Variants in NOS3 observed in about 807,000 individuals in gnomAD.
The protein encoded by NOS3 is nitric oxide synthase 3, also known as NOS type III.
Under a neutral mutation model 144.9 loss-of-function variants are expected in NOS3, and 98 were observed. The ratio of observed to expected loss-of-function variants is 0.68; its 90% CI spans 0.57 to 0.80. The LOEUF (loss-of-function observed/expected upper bound fraction) is 0.80, where lower values mean the gene tolerates loss of function less well. NOS3 is among the 30% of genes least tolerant of loss of function. The pLI, the probability that NOS3 is intolerant of heterozygous loss-of-function variation, is 0.00. For missense variants in NOS3, 1,465 were observed against 1,656.4 expected, an observed-to-expected ratio of 0.88 and a Z score of 2.01; for synonymous variants, 714 against 702.4, an observed-to-expected ratio of 1.02 and a Z score of -0.26.
At chr7:151,000,894 C>T (rs1179515233) in intron 10 of NOS3, among the ~76,000 whole-genome samples, 1 of 152,134 alleles carries the variant, frequency 6.6e-6, no homozygotes, top group Non-Finnish European at 1.5e-5. Flanking sequence ...GTGGGACCCG[C>T]TGGATCCTGG....
chr7:150,995,381 G>A (rs1802354901), intron 3 of NOS3, 67 bp downstream of exon 3: 2 of 1,007,966 alleles, frequency 2.0e-6, no homozygotes, highest in Admixed American at 2.1e-5. Context: ...GCCTCAGATG[G>A]GGCCGGAGAG....
Position 151,002,100 on chromosome 7 carries a change from A to C in NOS3, c.1648-100A>C. 2.1e-6 allele frequency: 3 copies of C among 1,417,698 alleles called. No homozygotes were observed. Among genetic ancestry groups the C allele is most frequent in the Non-Finnish European group, 2.9e-6 (3 of 1,025,240 alleles). 87.8% of individuals were successfully genotyped at this position (1,417,698 alleles called of 1,614,324 possible). On this transcript the variant is annotated intron_variant, in intron 13 of 26. Transcript: ENST00000297494. This position sits in a 1 kb window ranked among gnomAD's most constrained non-coding sequence, Gnocchi z 4.1. Reference sequence around the variant, plus strand: ...CCGGAACCACAGGTGTTCAGAGATCAAGTTGGGGCCTGAATCTTGCACTGC... The same window carrying C: ...CCGGAACCACAGGTGTTCAGAGATCCAGTTGGGGCCTGAATCTTGCACTGC...
Position 151,006,307 on chromosome 7 carries a change from A to G in NOS3, c.1753-120A>G, listed in dbSNP as rs185469560. The G allele has an allele frequency of 8.8e-5, 71 of 809,258 alleles. No individual in the cohort carries two copies. The Admixed American group carries it at 1.6e-3, about 19-fold the overall frequency. The allele number at this position is 809,258 out of a possible 1,614,324, so 50.1% of individuals were successfully genotyped here. On this transcript the variant is annotated intron_variant, in intron 14 of 26. Transcript: ENST00000297494. Reference sequence around the variant, plus strand: ...CATCAGATCGCTTTTGAAATTTTCAAAACAAATAAAAATTAAGTTACAAAT... The same window carrying G: ...CATCAGATCGCTTTTGAAATTTTCAGAACAAATAAAAATTAAGTTACAAAT...
In NOS3 at chr7:151,003,212, A is replaced by G. The variant is rs935540717; in HGVS notation, c.1752+908A>G. On this transcript the variant is annotated intron_variant, in intron 14 of 26. Transcript: ENST00000297494. This position sits in a 1 kb window ranked among gnomAD's most constrained non-coding sequence, Gnocchi z 4.1. ...ACAATCACGGCTCACTGCAGCCTCAACCTCCTAGACTCAAGCAATCCTCCC... is the reference window on the plus strand; with the variant it reads ...ACAATCACGGCTCACTGCAGCCTCAGCCTCCTAGACTCAAGCAATCCTCCC... 4 of 452,378 alleles carry G rather than the reference A, an allele frequency of 8.8e-6. No homozygotes were observed. In the Admixed American group the frequency reaches 9.4e-5, roughly 11 times the overall value. 28.0% of individuals were successfully genotyped at this position (452,378 alleles called of 1,614,324 possible).
chr7:150,991,996 CA>C (rs796976419), intron 1 of NOS3, among the ~76,000 whole-genome samples: 3,540 of 106,350 alleles, frequency 0.033, 75 homozygotes, highest in Middle Eastern at 0.085. Context: ...GACTCTGTCT[CA>C]AAAAAAAAAA....
Position 151,003,650 on chromosome 7 carries a change from T to G in NOS3, c.1752+1346T>G. 1 of 785,526 alleles carries G rather than the reference T, an allele frequency of 1.3e-6. No homozygotes were observed. Among genetic ancestry groups the G allele is most frequent in the Non-Finnish European group, 1.9e-6 (1 of 514,376 alleles). 48.7% of individuals were successfully genotyped at this position (785,526 alleles called of 1,614,324 possible). On this transcript the variant is annotated intron_variant, in intron 14 of 26. Coordinates refer to ENST00000297494, the MANE Select transcript of NOS3 (RefSeq NM_000603.5). This position sits in a 1 kb window ranked among gnomAD's most constrained non-coding sequence, Gnocchi z 4.1. Reference sequence around the variant, plus strand: ...CTCATCAGTTCCTCACGTGAATCCCTTCCCAGTCTGTCTCCCTGCCAGAAG... The same window carrying G: ...CTCATCAGTTCCTCACGTGAATCCCGTCCCAGTCTGTCTCCCTGCCAGAAG...
chr7:151,000,505 C>A lies in NOS3; in HGVS notation c.1139C>A (p.Ala380Asp). Residue 380 changes from alanine to aspartate, a missense_variant, in exon 10 of 27, where the codon GCT becomes GAT. Physicochemically the swap from Ala to Asp is moderately radical, Grantham distance 126 (BLOSUM62 -2). Coordinates refer to ENST00000297494, the MANE Select transcript of NOS3 (RefSeq NM_000603.5). ...PHRYNILEDVAVCMDLDTRTT... is the reference protein window; with the variant it reads ...PHRYNILEDVDVCMDLDTRTT... Reference sequence around the variant, plus strand: ...CACACCCTTCTGCCCCAGGATGTGGCTGTCTGCATGGACCTGGATACCCGG... The same window carrying A: ...CACACCCTTCTGCCCCAGGATGTGGATGTCTGCATGGACCTGGATACCCGG... 6.2e-7 allele frequency: 1 copy of A among 1,611,028 alleles called. No individual in the cohort carries two copies. Among genetic ancestry groups the A allele is most frequent in the Non-Finnish European group, 8.5e-7 (1 of 1,177,584 alleles).
At chr7:150,997,518 A>G (rs3918169) in intron 5 of NOS3, among the ~76,000 whole-genome samples, 39,520 of 152,006 alleles carry the variant, frequency 0.26, 7,155 homozygotes, top group African/African-American at 0.51. Flanking sequence ...GGCTGGCCTT[A>G]GTTACTGGAA....
At chr7:150,992,487 C>A (rs1243726149) in intron 1 of NOS3, among the ~76,000 whole-genome samples, 1 of 152,164 alleles carries the variant, frequency 6.6e-6, no homozygotes, top group Non-Finnish European at 1.5e-5. Flanking sequence ...ACAGGGGCAG[C>A]AGGGCACACT....
chr7:151,014,325 C>A lies in NOS3; in HGVS notation c.*156C>A. ...TCAGCATTATTCCTCCAGGAAGGAG[C>A]AAAACGCCTCTTTTCCCTCTCTAGG... is the stretch of plus-strand genomic sequence containing the variant. On this transcript the variant is annotated 3_prime_UTR_variant, in exon 27 of 27. Coordinates refer to ENST00000297494, the MANE Select transcript of NOS3 (RefSeq NM_000603.5). The A allele has an allele frequency of 1.2e-6, 1 of 819,526 alleles. No individual in the cohort carries two copies. Among genetic ancestry groups the A allele is most frequent in the South Asian group, 1.9e-5 (1 of 53,782 alleles). 50.8% of individuals were successfully genotyped at this position (819,526 alleles called of 1,614,324 possible). A position where few individuals can be genotyped will look rare whatever the true frequency, so the allele number is the denominator to read the frequency against.
intron 25 of NOS3, 84 bp from the exon 26 acceptor site, chr7:151,013,640 C>T: frequency 1.5e-6 from 2 of 1,297,798 alleles, no homozygotes; most frequent in Admixed American, 2.5e-5. Context: ...CGGAGACTTT[C>T]ACGTCCAGGG....
rs33958766 is a variant in NOS3 at position 151,002,453 on chromosome 7, C to CACACA, written c.1752+149_1752+150insACACA. On this transcript the variant is annotated intron_variant, in intron 14 of 26. Coordinates refer to ENST00000297494, the MANE Select transcript of NOS3 (RefSeq NM_000603.5). The surrounding 1 kb of genome is among the most constrained non-coding windows in gnomAD (Gnocchi z 4.1). ...ACACACACACACACACACACACACACGCCAGGATGGAAAGGGAGATGCTAA... is the reference window on the plus strand; with the variant it reads ...ACACACACACACACACACACACACACACACAGCCAGGATGGAAAGGGAGATGCTAA... 1 of 495,144 alleles carries CACACA rather than the reference C, an allele frequency of 2.0e-6. No individual in the cohort carries two copies. The highest frequency in any genetic ancestry group is 3.6e-6 in the Non-Finnish European group (1 of 276,880). The allele number at this position is 495,144 out of a possible 1,614,324, so 30.7% of individuals were successfully genotyped here.
intron 5 of NOS3, 148 bp downstream of exon 5, chr7:150,997,073 G>A (rs1399166246): frequency 4.9e-6 from 5 of 1,026,504 alleles, no homozygotes; most frequent in South Asian, 3.3e-5. Context: ...AAAGGTAGGG[G>A]GACTGCCCCA....
rs1407648520 is a variant in NOS3 at position 151,001,432 on chromosome 7, A to G, written c.1428+7A>G. Reference sequence around the variant, plus strand: ...CCCGGCCTTCCGCTACCAGGTGCCCACCCTAACTGGCTCTGCCAGCCTGGG... The same window carrying G: ...CCCGGCCTTCCGCTACCAGGTGCCCGCCCTAACTGGCTCTGCCAGCCTGGG... On this transcript the variant is annotated splice_region_variant and intron_variant, in intron 11 of 26. Transcript: ENST00000297494. 1 of 1,585,728 alleles carries G rather than the reference A, an allele frequency of 6.3e-7. No individual in the cohort carries two copies. The highest frequency in any genetic ancestry group is 2.2e-5 in the East Asian group (1 of 44,492).
In NOS3 at chr7:151,010,695, C is replaced by T; in HGVS notation, c.2784C>T (p.Leu928=). 3 of 1,611,304 alleles carry T rather than the reference C, an allele frequency of 1.9e-6. No individual in the cohort carries two copies. Among genetic ancestry groups the T allele is most frequent in the Non-Finnish European group, 2.5e-6 (3 of 1,179,040 alleles). ...CGGTGGCGCTGCCTGCCCCACTGCTCCTCACCCAGCTGCCTCTGCTCCAGC... is the reference window on the plus strand; with the variant it reads ...CGGTGGCGCTGCCTGCCCCACTGCTTCTCACCCAGCTGCCTCTGCTCCAGC... ...FPSVALPAPL[L]LTQLPLLQPR... is the part of the protein sequence containing the mutation. The change falls in exon 22 of 27, where the codon CTC becomes CTT. Residue 928 remains leucine (L), a synonymous_variant. Coordinates refer to ENST00000297494, the MANE Select transcript of NOS3 (RefSeq NM_000603.5).
Position 151,013,288 on chromosome 7 carries a change from A to G in NOS3, c.3164A>G (p.His1055Arg), listed in dbSNP as rs748758829. ...GGCTGCCGATGCTCCCAACTTGACC[A>G]TCTCTACCGCGACGAGGTGCAGAAC... ...VFGCRCSQLD[H>R]LYRDEVQNAQ... Residue 1055 changes from histidine (H) to arginine (R), a missense_variant, in exon 25 of 27, where the codon CAT (histidine) becomes CGT (arginine). This residue lies in a region of NOS3 where 228 missense variants were observed against 227.7 expected (regional missense o/e 1.00). Transcript: ENST00000297494. 1 of 1,613,872 alleles carries G rather than the reference A, an allele frequency of 6.2e-7. No homozygotes were observed. Among genetic ancestry groups the G allele is most frequent in the African/African-American group, 1.3e-5 (1 of 74,886 alleles).
intron 1 of NOS3, among the ~76,000 whole-genome samples, chr7:150,992,613 G>A (rs925956691): frequency 2.6e-5 from 4 of 152,038 alleles, no homozygotes; most frequent in African/African-American, 4.8e-5. Context: ...TCCGCCTGCC[G>A]GCCCCCCACC....
Position 151,008,944 on chromosome 7 carries a change from C to T in NOS3, c.2127C>T (p.Thr709=). The T allele has an allele frequency of 6.2e-7, 1 of 1,609,938 alleles. No individual in the cohort carries two copies. Among genetic ancestry groups the T allele is most frequent in the Non-Finnish European group, 8.5e-7 (1 of 1,178,834 alleles). Reference sequence around the variant, plus strand: ...CTGTCCCGCAGGCCGCCTGTGAGACCTTCTGTGTGGGAGAGGATGCCAAGG... The same window carrying T: ...CTGTCCCGCAGGCCGCCTGTGAGACTTTCTGTGTGGGAGAGGATGCCAAGG... ...AQAAFQAACE[T]FCVGEDAKAA... Residue 709 remains threonine (T), a synonymous_variant, in exon 18 of 27, where the codon ACC becomes ACT. Transcript: ENST00000297494.
chr7:151,002,136 A>G lies in NOS3; in HGVS notation c.1648-64A>G. ...TGAATCTTGCACTGCCAGGGAGGCC[A>G]GAGTGAGGAGGGCAGGGCCTCCGGG... On this transcript the variant is annotated intron_variant, in intron 13 of 26. Transcript: ENST00000297494. This position sits in a 1 kb window ranked among gnomAD's most constrained non-coding sequence, Gnocchi z 4.1. 1 of 1,407,992 alleles carries G rather than the reference A, an allele frequency of 7.1e-7. No individual in the cohort carries two copies. Among genetic ancestry groups the G allele is most frequent in the Non-Finnish European group, 9.9e-7 (1 of 1,013,336 alleles). The allele number at this position is 1,407,992 out of a possible 1,614,324, so 87.2% of individuals were successfully genotyped here.
Sources: allele counts gnomAD v4.1 joint callset (sites outside exome capture counted in the v4.1 genomes callset), GRCh38; gene constraint gnomAD v4.1.1; regional missense constraint gnomAD v4.1.1; non-coding constraint Gnocchi (gnomAD v3.1); transcripts MANE v1.5; gene names NCBI Gene and HGNC (gene_info 2026-07-23, HGNC 2026-07-21).